Variants in GUCY1B1 observed in about 807,000 individuals in gnomAD.
GUCY1B1 encodes guanylate cyclase 1 soluble subunit beta 1.
Under a neutral mutation model 71.0 loss-of-function variants are expected in GUCY1B1, and 43 were observed. The ratio of observed to expected loss-of-function variants is 0.61; its 90% confidence interval spans 0.47 to 0.78. The LOEUF (loss-of-function observed/expected upper bound fraction) is 0.78, where lower values mean the gene tolerates loss of function less well. Among genes scored for constraint, GUCY1B1 ranks in the 30% least tolerant of loss-of-function variants. The pLI is 0.00. For missense variants in GUCY1B1, 535 were observed against 754.1 expected, an observed-to-expected ratio of 0.71 and a Z score of 3.40; for synonymous variants, 266 against 259.7, an observed-to-expected ratio of 1.02 and a Z score of -0.23.
intron 4 of GUCY1B1, 22 bp from the exon 5 acceptor site, chr4:155,789,692 C>A: frequency 7.0e-7 from 1 of 1,432,684 alleles, no homozygotes; most frequent in Non-Finnish European, 9.6e-7. Flanking sequence ...GTTTATTGGT[C>A]TCCCTTTCTT....
intron 13 of GUCY1B1, among the ~76,000 whole-genome samples, chr4:155,805,727 C>T (rs1740268931): frequency 6.6e-6 from 1 of 152,084 alleles, no homozygotes; most frequent in South Asian, 2.1e-4. Context: ...ATGTGTTTCT[C>T]CTAGATAGAT....
At chr4:155,787,152 G>A (rs1424302279) in intron 4 of GUCY1B1, among the ~76,000 whole-genome samples, 1 of 152,116 alleles carries the variant, frequency 6.6e-6, no homozygotes, top group Non-Finnish European at 1.5e-5. Flanking sequence ...TCTAAGGGAA[G>A]AGTCCTAATG....
Position 155,796,384 on chromosome 4 carries a change from T to C in GUCY1B1, c.851T>C (p.Leu284Ser). Residue 284 changes from leucine (L) to serine (S), a missense_variant, in exon 8 of 14, where the codon TTG becomes TCG. Transcript: ENST00000264424. ...GTATCTTGCCTTTTCAAGGAAGGAT[T>C]GTTGGATGTGGAGAAATTAGAATGT... ...TVFVLRSKEG[L>S]LDVEKLECED... is the part of the protein sequence containing the mutation. 6.2e-7 allele frequency: 1 copy of C among 1,612,992 alleles called. No individual in the cohort carries two copies. The highest frequency in any genetic ancestry group is 1.1e-5 in the South Asian group (1 of 90,912).
chr4:155,800,925 GT>G (rs779061528), intron 9 of GUCY1B1, among the ~76,000 whole-genome samples: 5 of 152,090 alleles, frequency 3.3e-5, no homozygotes, highest in African/African-American at 4.8e-5. Flanking sequence ...TGTTCTGGCT[GT>G]TTGTATTAGA....
At chr4:155,767,939 A>G (rs999998780) in intron 2 of GUCY1B1, among the ~76,000 whole-genome samples, 2 of 152,286 alleles carry the variant, frequency 1.3e-5, no homozygotes, top group African/African-American at 4.8e-5. Context: ...GTACCAATTC[A>G]GCTCACTACA....
chr4:155,773,413 A>G (rs866247284), intron 2 of GUCY1B1, among the ~76,000 whole-genome samples: 2 of 152,296 alleles, frequency 1.3e-5, no homozygotes, highest in Non-Finnish European at 1.5e-5. Context: ...AATCATGACA[A>G]CTTTTAAAAA....
intron 13 of GUCY1B1, among the ~76,000 whole-genome samples, chr4:155,806,014 A>G (rs1740287342): frequency 6.6e-6 from 1 of 152,178 alleles, no homozygotes; most frequent in Non-Finnish European, 1.5e-5. Context: ...ATAAGACTGC[A>G]TGCTCATATT....
rs1740119251 is a variant in GUCY1B1 at position 155,803,761 on chromosome 4, T to G, written c.1551T>G (p.Val517=). Residue 517 remains valine (V), a synonymous_variant, in exon 11 of 14, where the codon GTT becomes GTG. Transcript: ENST00000264424. ...AGGTTCAAGTAGATGGTGAATCTGT[T>G]CAGGTTAGTAAATGAAGTAGATATT... The part of the protein sequence containing the change: ...AGQVQVDGES[V]QITIGIHTGE... The G allele has an allele frequency of 2.5e-6, 4 of 1,573,578 alleles. No homozygotes were observed. The highest frequency in any genetic ancestry group is 3.4e-6 in the Non-Finnish European group (4 of 1,161,164).
At chr4:155,783,836 G>C (rs763397331) in intron 4 of GUCY1B1, among the ~76,000 whole-genome samples, 8 of 151,842 alleles carry the variant, frequency 5.3e-5, no homozygotes, top group Non-Finnish European at 1.0e-4. Flanking sequence ...TTTTAACTTT[G>C]GAATTTTAAA....
intron 4 of GUCY1B1, among the ~76,000 whole-genome samples, chr4:155,788,331 T>C (rs1272225519): frequency 6.6e-6 from 1 of 152,228 alleles, no homozygotes; most frequent in Non-Finnish European, 1.5e-5. Flanking sequence ...TGGAGACCTC[T>C]CTCCAGTCCT....
At chr4:155,763,628 A>G (rs953985388) in intron 2 of GUCY1B1, among the ~76,000 whole-genome samples, 9 of 152,160 alleles carry the variant, frequency 5.9e-5, no homozygotes, top group African/African-American at 2.2e-4. Flanking sequence ...AAATACGGTA[A>G]CCTTTTGTCT....
chr4:155,773,174 A>G (rs1417771563), intron 2 of GUCY1B1, among the ~76,000 whole-genome samples: 5 of 152,238 alleles, frequency 3.3e-5, no homozygotes, highest in African/African-American at 9.6e-5. Context: ...GTTGACATCC[A>G]AGCTCCATGT....
intron 13 of GUCY1B1, 135 bp from the exon 14 acceptor site, chr4:155,806,251 A>G (rs745651734): frequency 1.6e-5 from 9 of 561,334 alleles, no homozygotes; most frequent in Non-Finnish European, 2.5e-5. Flanking sequence ...TCCCAGAATT[A>G]TGGTGGGAAT....
chr4:155,802,515 T>C lies in GUCY1B1; in HGVS notation c.1349T>C (p.Leu450Pro). 6.2e-7 allele frequency: 1 copy of C among 1,611,436 alleles called. No homozygotes were observed. Among genetic ancestry groups the C allele is most frequent in the Non-Finnish European group, 8.5e-7 (1 of 1,178,814 alleles). Reference sequence around the variant, plus strand: ...GGAGCCATGAAGATCGTCAACCTCCTCAACGACCTCTACACCAGATTTGAC... The same window carrying C: ...GGAGCCATGAAGATCGTCAACCTCCCCAACGACCTCTACACCAGATTTGAC... Reference protein sequence around the residue: ...GEGAMKIVNLLNDLYTRFDTL... With the variant: ...GEGAMKIVNLPNDLYTRFDTL... The change falls in exon 10 of 14, where the codon CTC becomes CCC. Residue 450 changes from leucine (L) to proline (P), a missense_variant. Transcript: ENST00000264424. The surrounding 1 kb of genome is among the most constrained non-coding windows in gnomAD (Gnocchi z 4.3).
chr4:155,780,045 T>TCCTCCAATCTC (rs1738304171), intron 4 of GUCY1B1, among the ~76,000 whole-genome samples: 2 of 152,154 alleles, frequency 1.3e-5, no homozygotes, highest in Admixed American at 1.3e-4. Flanking sequence ...TCTTCATGAC[T>TCCTCCAATCTC]CCTCCAATCT....
At position 155,789,990 on chromosome 4, in the gene GUCY1B1, CAG is replaced by C. The variant is rs1579233911; in HGVS notation, c.495+80_495+81del. 3 of 906,948 alleles carry C rather than the reference CAG, an allele frequency of 3.3e-6. No homozygotes were observed. In the East Asian group the frequency reaches 7.3e-5, roughly 22 times the overall value. 56.2% of individuals were successfully genotyped at this position (906,948 alleles called of 1,614,324 possible). A position where few individuals can be genotyped will look rare whatever the true frequency, so the allele number is the denominator to read the frequency against. ...AAATGACACTCTCTAAATTTACCTG[CAG>C]TTATCACTGTTAGTGCTCTTCCCTG... On this transcript the variant is annotated intron_variant, in intron 5 of 13. Coordinates refer to ENST00000264424, the MANE Select transcript of GUCY1B1 (RefSeq NM_000857.5).
In GUCY1B1 at chr4:155,806,423, G is replaced by C; in HGVS notation, c.*14G>C. 1.9e-6 allele frequency: 3 copies of C among 1,592,548 alleles called. No homozygotes were observed. The highest frequency in any genetic ancestry group is 3.3e-5 in the Admixed American group (2 of 59,752). ...GATGATGACTGAATCTTGGATTATG[G>C]GGTGAAGAGGAGTACAGACTAGGTT... On this transcript the variant is annotated 3_prime_UTR_variant, in exon 14 of 14. Coordinates refer to ENST00000264424, the MANE Select transcript of GUCY1B1 (RefSeq NM_000857.5).
intron 2 of GUCY1B1, among the ~76,000 whole-genome samples, chr4:155,767,682 T>G (rs1028093936): frequency 1.3e-5 from 2 of 152,106 alleles, no homozygotes; most frequent in Non-Finnish European, 2.9e-5. Flanking sequence ...AAGTCGTTAC[T>G]GGATTTAAAG....
chr4:155,775,750 A>G (rs1432732421), intron 3 of GUCY1B1, among the ~76,000 whole-genome samples: 5 of 152,242 alleles, frequency 3.3e-5, no homozygotes, highest in African/African-American at 9.6e-5. Flanking sequence ...CACAAGTTAT[A>G]TTAACTATTG....
Sources: allele counts gnomAD v4.1 joint callset (sites outside exome capture counted in the v4.1 genomes callset), GRCh38; gene constraint gnomAD v4.1.1; non-coding constraint Gnocchi (gnomAD v3.1); transcripts MANE v1.5; gene names NCBI Gene and HGNC (gene_info 2026-07-23, HGNC 2026-07-21).